TOMM70: variants seen among roughly 807,000 people sequenced by gnomAD.
TOMM70 encodes the protein translocase of outer mitochondrial membrane 70.
In TOMM70, 13 loss-of-function variants were observed where a neutral mutation model predicts 73.6. That is an observed-to-expected ratio of 0.18 (90% CI 0.11 to 0.28). The LOEUF (loss-of-function observed/expected upper bound fraction) is 0.28. TOMM70 is among the 10% of genes least tolerant of loss of function. The pLI is 1.00. For synonymous variants in TOMM70, 257 were observed against 271.2 expected, an observed-to-expected ratio of 0.95 and a Z score of 0.51; for missense variants, 609 against 747.5, an observed-to-expected ratio of 0.81 and a Z score of 2.16.
At chr3:100,381,828 G>A in intron 4 of TOMM70, 65 bp from the exon 5 acceptor site, 2 of 1,435,550 alleles carry the variant, frequency 1.4e-6, no homozygotes, top group South Asian at 1.5e-5. Context: ...CAGGTACATT[G>A]TAGAACGCTA....
Position 100,386,884 on chromosome 3 carries a change from G to C in TOMM70, c.419C>G (p.Ala140Gly), listed in dbSNP as rs917686213. The C allele has an allele frequency of 1.2e-6, 2 of 1,614,036 alleles. No homozygotes were observed. The highest frequency in any genetic ancestry group is 8.5e-7 in the Non-Finnish European group (1 of 1,179,914). The change falls in exon 2 of 12, where the codon GCT becomes GGT. Residue 140 changes from alanine to glycine, a missense_variant. Physicochemically the swap from Ala to Gly is moderately conservative, Grantham distance 60 (BLOSUM62 0). Coordinates refer to ENST00000284320, the MANE Select transcript of TOMM70 (RefSeq NM_014820.5). ...CTTCTCTGTAGGGCACAAGCTAATA[G>C]CCTCAGTATAGCACTGAATAGCTTG... ...YEQAIQCYTE[A>G]ISLCPTEKNV... is the part of the protein sequence containing the mutation.
intron 3 of TOMM70, among the ~76,000 whole-genome samples, chr3:100,385,563 C>A (rs1429600753): frequency 6.6e-6 from 1 of 152,144 alleles, no homozygotes; most frequent in African/African-American, 2.4e-5. Flanking sequence ...CTTCATGTCA[C>A]CTAGAAGAAT....
chr3:100,388,911 C>T (rs1458324514), intron 1 of TOMM70, among the ~76,000 whole-genome samples: 3 of 151,946 alleles, frequency 2.0e-5, no homozygotes, highest in Admixed American at 1.3e-4. Context: ...GGAAACCTGA[C>T]AGAATGCCAT....
chr3:100,367,843 T>G (rs544887792), intron 11 of TOMM70, among the ~76,000 whole-genome samples: 41 of 152,230 alleles, frequency 2.7e-4, no homozygotes, highest in Non-Finnish European at 4.6e-4. Flanking sequence ...GCTGGATGCT[T>G]CTTTGGAGGA....
At chr3:100,396,686 T>G (rs948630863) in intron 1 of TOMM70, among the ~76,000 whole-genome samples, 10 of 152,080 alleles carry the variant, frequency 6.6e-5, no homozygotes, top group Non-Finnish European at 1.3e-4. Flanking sequence ...TTTAAAAAAA[T>G]TACTGAAGCA....
At chr3:100,385,684 T>C (rs955853671) in intron 3 of TOMM70, among the ~76,000 whole-genome samples, 2 of 152,212 alleles carry the variant, frequency 1.3e-5, no homozygotes, top group African/African-American at 4.8e-5. Flanking sequence ...CAAATTCACT[T>C]TGATGCTTTG....
In TOMM70 at chr3:100,365,423, G is replaced by T; in HGVS notation, c.*141C>A. 7.7e-7 allele frequency: 1 copy of T among 1,295,578 alleles called. No individual in the cohort carries two copies. The highest frequency in any genetic ancestry group is 1.1e-6 in the Non-Finnish European group (1 of 946,116). 80.3% of individuals were successfully genotyped at this position (1,295,578 alleles called of 1,614,324 possible). A position where few individuals can be genotyped will look rare whatever the true frequency, so the allele number is the denominator to read the frequency against. On this transcript the variant is annotated 3_prime_UTR_variant, in exon 12 of 12. Transcript: ENST00000284320. ...AGCCACACCCACAACACCTAGACAT[G>T]AAACAGATGTAACAAATAACAACAC... is the stretch of plus-strand genomic sequence containing the variant.
chr3:100,399,734 ATT>A (rs34524680), intron 1 of TOMM70, among the ~76,000 whole-genome samples: 3,372 of 125,972 alleles, frequency 0.027, 73 homozygotes, highest in African/African-American at 0.08. Flanking sequence ...AGTCACTCCC[ATT>A]TTTTTTTTTT....
intron 11 of TOMM70, among the ~76,000 whole-genome samples, chr3:100,365,922 C>T (rs1006179213): frequency 3.9e-5 from 6 of 152,154 alleles, no homozygotes; most frequent in Non-Finnish European, 7.3e-5. Context: ...AACAAGAGTA[C>T]CTACCACATT....
In TOMM70 at chr3:100,372,479, A is replaced by C. The variant is rs968504024; in HGVS notation, c.1452+127T>G. 19 of 702,130 alleles carry C rather than the reference A, an allele frequency of 2.7e-5. 1 individual carries two copies. Among genetic ancestry groups the C allele is most frequent in the Non-Finnish European group, 4.5e-5 (19 of 418,900 alleles). 43.5% of individuals were successfully genotyped at this position (702,130 alleles called of 1,614,324 possible). The stretch of plus-strand genomic sequence containing the variant: ...TCGGGACCAACCAGGGGCCATGAGA[A>C]TCAATCAGGAACAAAGCCACCTGCT... On this transcript the variant is annotated intron_variant, in intron 9 of 11. Coordinates refer to ENST00000284320, the MANE Select transcript of TOMM70 (RefSeq NM_014820.5).
At chr3:100,388,070 T>C (rs1706714479) in intron 1 of TOMM70, among the ~76,000 whole-genome samples, 1 of 152,196 alleles carries the variant, frequency 6.6e-6, no homozygotes. Context: ...GACAAGCACA[T>C]ATAAATTAAT....
chr3:100,393,508 T>G (rs1412701483), intron 1 of TOMM70, among the ~76,000 whole-genome samples: 1 of 152,120 alleles, frequency 6.6e-6, no homozygotes, highest in African/African-American at 2.4e-5. Flanking sequence ...CAATGTACAC[T>G]TGGGTGATGA....
At chr3:100,367,206 C>CT (rs1706455115) in intron 11 of TOMM70, among the ~76,000 whole-genome samples, 1 of 151,942 alleles carries the variant, frequency 6.6e-6, no homozygotes, top group Non-Finnish European at 1.5e-5. Flanking sequence ...GCTGGAGACT[C>CT]TGTCTCATAA....
rs1706415975 is a variant in TOMM70, at chr3:100,363,440, A to G, written c.*2124T>C. 6.6e-6 allele frequency: 1 copy of G among 152,590 alleles called. No individual in the cohort carries two copies. The highest frequency in any genetic ancestry group is 2.1e-4 in the South Asian group (1 of 4,828). The allele number at this position is 152,590 out of a possible 1,614,324, so 9.5% of individuals were successfully genotyped here. A position where few individuals can be genotyped will look rare whatever the true frequency, so the allele number is the denominator to read the frequency against. ...CCCAGCCTAAACTACCTATCTTTCT[A>G]TTTAAAGAATAGATAGAAGAGCTTG... is the stretch of plus-strand genomic sequence containing the variant. On this transcript the variant is annotated 3_prime_UTR_variant, in exon 12 of 12. Coordinates refer to ENST00000284320, the MANE Select transcript of TOMM70 (RefSeq NM_014820.5).
At chr3:100,372,099 A>T (rs1706516278) in intron 9 of TOMM70, 1 of 152,294 alleles carries the variant, frequency 6.6e-6, no homozygotes, top group Non-Finnish European at 1.5e-5. Flanking sequence ...TAAAACTAAG[A>T]AGTTTTCAAG....
intron 7 of TOMM70, 48 bp downstream of exon 7, chr3:100,374,970 C>T: frequency 6.8e-7 from 1 of 1,471,290 alleles, no homozygotes; most frequent in South Asian, 1.4e-5. Context: ...AAAATGGTAT[C>T]AAAGCTCAAT....
chr3:100,374,427 G>T (rs1173220714), intron 7 of TOMM70, among the ~76,000 whole-genome samples: 1 of 152,064 alleles, frequency 6.6e-6, no homozygotes, highest in Non-Finnish European at 1.5e-5. Context: ...AAAGAACTTC[G>T]GCTCTTCTGT....
intron 1 of TOMM70, among the ~76,000 whole-genome samples, chr3:100,396,014 GTTT>G (rs34486101): frequency 1.5e-4 from 21 of 140,616 alleles, no homozygotes; most frequent in African/African-American, 2.1e-4. Flanking sequence ...CTGGTATCAG[GTTT>G]TTTTTTTTTT....
chr3:100,396,796 C>G (rs1706831251), intron 1 of TOMM70, among the ~76,000 whole-genome samples: 1 of 152,142 alleles, frequency 6.6e-6, no homozygotes, highest in South Asian at 2.1e-4. Context: ...TGACTAAATG[C>G]TTTTCTTCAG....
Sources: gnomAD v4.1 joint callset for allele counts (sites outside exome capture counted in the v4.1 genomes callset) on GRCh38, gnomAD v4.1.1 for gene constraint, MANE v1.5 for transcripts, NCBI Gene and HGNC (gene_info 2026-07-23, HGNC 2026-07-21) for gene names.